BBS9: variants seen among roughly 807,000 people sequenced by gnomAD.
BBS9 encodes the protein protein PTHB1.
BBS9 carries 89 observed loss-of-function variants against 117.7 expected under a neutral mutation model. That is an observed-to-expected ratio of 0.76 (90% CI 0.64 to 0.90). The LOEUF is 0.90. BBS9 is among the 40% of genes least tolerant of loss of function. The pLI is 0.00. For missense variants in BBS9, 982 were observed against 1,042.2 expected (o/e 0.94, Z 0.80); for synonymous variants, 379 against 370.9 (o/e 1.02, Z -0.25).
At chr7:33,520,052 A>T (rs920257730) in intron 20 of BBS9, among the ~76,000 whole-genome samples, 1 of 147,204 alleles carries the variant, frequency 6.8e-6, no homozygotes, top group African/African-American at 2.5e-5. Context: ...TCTGTTGCCC[A>T]GGCTAGAGTG....
intron 21 of BBS9, among the ~76,000 whole-genome samples, chr7:33,626,913 C>T (rs1381018985): frequency 1.3e-5 from 2 of 152,214 alleles, no homozygotes; most frequent in Admixed American, 1.3e-4. Context: ...AATTTGCAGC[C>T]TGACCATGTG....
intron 9 of BBS9, among the ~76,000 whole-genome samples, chr7:33,312,077 CT>C (rs1285526453): frequency 2.6e-5 from 4 of 152,208 alleles, no homozygotes; most frequent in Non-Finnish European, 5.9e-5. Flanking sequence ...ATTGTGTACC[CT>C]TAAACCTCTG....
rs10239609 is a variant in BBS9 at position 33,293,690 on chromosome 7, G to C, written c.1016+19734G>C. On this transcript the variant is annotated intron_variant, in intron 9 of 22. Coordinates refer to ENST00000242067, the MANE Select transcript of BBS9 (RefSeq NM_198428.3). The stretch of plus-strand genomic sequence containing the variant: ...TCTAAATAGGATTGTGTCTCATTTA[G>C]TCAATATATAGAACCTATCTCTATA... 3.9e-3 allele frequency among the ~76,000 whole-genome samples: 593 copies of C among 152,102 alleles called. 4 individuals carry two copies. The highest frequency in any genetic ancestry group is 0.014 in the African/African-American group (571 of 41,502).
intron 19 of BBS9, among the ~76,000 whole-genome samples, chr7:33,410,700 C>G (rs1053980678): frequency 2.6e-5 from 4 of 152,160 alleles, no homozygotes; most frequent in African/African-American, 9.7e-5. Context: ...TGACCTTCTG[C>G]TAGCTTCTGG....
chr7:33,596,506 G>A (rs1242837812), intron 21 of BBS9, among the ~76,000 whole-genome samples: 1 of 151,994 alleles, frequency 6.6e-6, no homozygotes, highest in East Asian at 1.9e-4. Context: ...GAAGTCCAGT[G>A]TGGAAGAAGA....
chr7:33,217,331 A>T (rs1023837427), intron 5 of BBS9, among the ~76,000 whole-genome samples: 1 of 152,056 alleles, frequency 6.6e-6, no homozygotes, highest in Non-Finnish European at 1.5e-5. Context: ...ATTATTAATC[A>T]TTTGCTATAG....
At chr7:33,543,621 G>T (rs2700700) in intron 21 of BBS9, among the ~76,000 whole-genome samples, 152,361 of 152,362 alleles carry the variant, frequency 1, 76,180 homozygotes, top group Middle Eastern at 1. Flanking sequence ...TCTGTCTCAT[G>T]GCTCTTAAGA....
chr7:33,532,447 G>T (rs1850732400), intron 20 of BBS9, among the ~76,000 whole-genome samples: 2 of 152,188 alleles, frequency 1.3e-5, no homozygotes, highest in African/African-American at 4.8e-5. Context: ...AGTTCTGCAT[G>T]GCTGGGGAGA....
At chr7:33,143,340 C>T (rs1318849261) in intron 1 of BBS9, among the ~76,000 whole-genome samples, 5 of 152,138 alleles carry the variant, frequency 3.3e-5, no homozygotes, top group Non-Finnish European at 7.3e-5. Flanking sequence ...TTCCCACCAA[C>T]AGCGTACAGA....
intron 19 of BBS9, among the ~76,000 whole-genome samples, chr7:33,420,451 T>G (rs931638519): frequency 2.6e-5 from 4 of 152,162 alleles, no homozygotes; most frequent in Non-Finnish European, 5.9e-5. Context: ...GTTTGCTGCC[T>G]GACCAGCACC....
chr7:33,313,476 A>G (rs1249022321), intron 9 of BBS9, among the ~76,000 whole-genome samples: 3 of 152,230 alleles, frequency 2.0e-5, no homozygotes, highest in African/African-American at 7.2e-5. Flanking sequence ...GTCTGTGAAC[A>G]TAATTAGATT....
At position 33,305,883 on chromosome 7, in the gene BBS9, T is replaced by C. The variant is rs1345114426; in HGVS notation, c.1017-30558T>C. Among the ~76,000 whole-genome samples the C allele has an allele frequency of 2.0e-5, 3 of 152,186 alleles. No homozygotes were observed. The South Asian group carries it at 6.2e-4, about 32-fold the overall frequency. The stretch of plus-strand genomic sequence containing the variant: ...CATTTGGCTAATCTTTTGTATTGTG[T>C]TCTTCATTTTAGTGTTATTTATTTT... On this transcript the variant is annotated intron_variant, in intron 9 of 22. Coordinates refer to ENST00000242067, the MANE Select transcript of BBS9 (RefSeq NM_198428.3).
intron 10 of BBS9, among the ~76,000 whole-genome samples, chr7:33,338,827 A>G (rs1434856617): frequency 6.6e-6 from 1 of 152,196 alleles, no homozygotes; most frequent in Non-Finnish European, 1.5e-5. Context: ...TTTATTTATG[A>G]TTTAGATAGT....
chr7:33,423,554 C>CAA (rs568777790), intron 19 of BBS9, among the ~76,000 whole-genome samples: 1 of 130,338 alleles, frequency 7.7e-6, no homozygotes, highest in East Asian at 2.2e-4. Flanking sequence ...ATGTAGAAAG[C>CAA]AAAAAAAAAA....
chr7:33,430,401 A>G (rs2128876362), intron 19 of BBS9, among the ~76,000 whole-genome samples: 1 of 152,330 alleles, frequency 6.6e-6, no homozygotes, highest in African/African-American at 2.4e-5. Context: ...CCATGGACTC[A>G]GCAGCTTTTT....
chr7:33,156,029 A>G (rs1794048765), intron 4 of BBS9, among the ~76,000 whole-genome samples: 1 of 152,186 alleles, frequency 6.6e-6, no homozygotes, highest in Non-Finnish European at 1.5e-5. Flanking sequence ...GTCTTAAGAA[A>G]TGTTCTACAA....
chr7:33,146,829 G>T (rs1792473834), intron 2 of BBS9, among the ~76,000 whole-genome samples: 1 of 151,716 alleles, frequency 6.6e-6, no homozygotes, highest in South Asian at 2.1e-4. Flanking sequence ...TTAGGTATCA[G>T]ACTGATAACT....
chr7:33,306,285 G>A (rs2128538425), intron 9 of BBS9, among the ~76,000 whole-genome samples: 1 of 151,960 alleles, frequency 6.6e-6, no homozygotes, highest in South Asian at 2.1e-4. Context: ...TTTTTTGAAT[G>A]TTTTAAGACT....
Position 33,280,939 on chromosome 7 carries a change from G to A in BBS9, c.1016+6983G>A, listed in dbSNP as rs1461566372. 4.9e-4 allele frequency among the ~76,000 whole-genome samples: 34 copies of A among 68,774 alleles called. 1 individual carries two copies. The Admixed American group carries it at 6.6e-3, about 13-fold the overall frequency. The allele number at this position is 68,774 out of a possible 152,430, so 45.1% of individuals were successfully genotyped here. ...TTTTTTTTTTTTTTTTTGCATTATA[G>A]AAAGAGAATGTGAGCCTATATACTT... On this transcript the variant is annotated intron_variant, in intron 9 of 22. Coordinates refer to ENST00000242067, the MANE Select transcript of BBS9 (RefSeq NM_198428.3).
Sources: gnomAD v4.1 joint callset for allele counts (sites outside exome capture counted in the v4.1 genomes callset) on GRCh38, gnomAD v4.1.1 for gene constraint, MANE v1.5 for transcripts, NCBI Gene and HGNC (gene_info 2026-07-23, HGNC 2026-07-21) for gene names.